The following L1CAM variants were observed in gnomAD, a reference collection of about 807,000 sequenced individuals.
L1CAM encodes L1 cell adhesion molecule.
L1CAM carries 8 observed loss-of-function variants against 93.0 expected under a neutral mutation model. The observed-to-expected ratio is 0.09, with a 90% confidence interval of 0.05 to 0.16. The LOEUF is 0.16. Among genes scored for constraint, L1CAM ranks in the 10% least tolerant of loss-of-function variants. The pLI is 1.00. For synonymous variants in L1CAM, 453 were observed against 453.0 expected, an observed-to-expected ratio of 1.00 and a Z score of 0.00; for missense variants, 777 against 1,073.4, an observed-to-expected ratio of 0.72 and a Z score of 3.86.
intron 11 of L1CAM, 72 bp from the exon 12 acceptor site, chrX:153,869,024 C>G: frequency 1.1e-6 from 1 of 874,902 alleles, no homozygotes; most frequent in Non-Finnish European, 1.7e-6. Context: ...CAGGGACCCT[C>G]TGCACGGCTT....
At chrX:153,873,205 A>G in intron 3 of L1CAM, 23 bp downstream of exon 3, 1 of 1,205,850 alleles carries the variant, frequency 8.3e-7, no homozygotes, top group Non-Finnish European at 1.1e-6. Context: ...TCTGGGAAAC[A>G]CTCTCACCCC....
chrX:153,876,045 C>A, intron 1 of L1CAM, 101 bp from the exon 2 acceptor site: 2 of 462,990 alleles, frequency 4.3e-6, no homozygotes, highest in Non-Finnish European at 7.7e-6. Context: ...CTCTTGGCCC[C>A]GCCCTCAGCC....
At chrX:153,873,607 G>T (rs782037407) in intron 2 of L1CAM, among the ~76,000 whole-genome samples, 1 of 112,422 alleles carries the variant, frequency 8.9e-6, no homozygotes, top group Non-Finnish European at 1.9e-5. Flanking sequence ...GCCTGGCAGG[G>T]CCTGCAGAAC....
chrX:153,865,827 C>A lies in L1CAM; in HGVS notation c.2432-8G>T. 5 of 1,143,454 alleles carry A rather than the reference C, an allele frequency of 4.4e-6. No homozygotes were observed. Among genetic ancestry groups the A allele is most frequent in the Non-Finnish European group, 6.0e-6 (5 of 833,040 alleles). The allele number at this position is 1,143,454 out of a possible 1,213,427, so 94.2% of individuals were successfully genotyped here. A position where few individuals can be genotyped will look rare whatever the true frequency, so the allele number is the denominator to read the frequency against. On this transcript the variant is annotated splice_polypyrimidine_tract_variant and splice_region_variant and intron_variant, in intron 19 of 28. Coordinates refer to ENST00000370060, the MANE Select transcript of L1CAM (RefSeq NM_001278116.2). ...CAGGGATTGCCTGGGGGTCTGGAAA[C>A]CACCAGTGACTTGGATAGAGCCATA...
rs2064662252 is a variant in L1CAM, at chrX:153,861,695, T to C, written c.*968A>G. On this transcript the variant is annotated 3_prime_UTR_variant, in exon 29 of 29. Transcript: ENST00000370060. ...CTTTTTTTTTGTCTGTTTTTATTTT[T>C]CCTGGGATGGGTTCATCAAAGCTAA... 9.0e-6 allele frequency: 1 copy of C among 110,620 alleles called. No individual in the cohort carries two copies. The highest frequency in any genetic ancestry group is 1.9e-5 in the Non-Finnish European group (1 of 52,860). The allele number at this position is 110,620 out of a possible 1,213,427, so 9.1% of individuals were successfully genotyped here.
chrX:153,875,651 C>A, intron 2 of L1CAM, 110 bp downstream of exon 2: 2 of 720,980 alleles, frequency 2.8e-6, no homozygotes, highest in South Asian at 2.2e-5. Context: ...CAGGAAAGGC[C>A]AGGGAGAGGA....
rs781976136 is a variant in L1CAM at position 153,864,348 on chromosome X, T to C, written c.3296A>G (p.Gln1099Arg). The change falls in exon 25 of 29, where the codon CAA becomes CGA. Residue 1099 changes from glutamine (Q) to arginine (R), a missense_variant. Physicochemically the swap from Gln to Arg is conservative, Grantham distance 43. Coordinates refer to ENST00000370060, the MANE Select transcript of L1CAM (RefSeq NM_001278116.2). ...HLFKERMFRH[Q>R]MAVKTNGTGR... ...TGTGCCATTGGTCTTCACAGCCATTTGGTGCCGGAACATCCTCTCCTTAAA... is the reference window on the plus strand; with the variant it reads ...TGTGCCATTGGTCTTCACAGCCATTCGGTGCCGGAACATCCTCTCCTTAAA... 6.6e-6 allele frequency: 8 copies of C among 1,212,039 alleles called. No homozygotes were observed. The South Asian group carries it at 1.1e-4, about 16-fold the overall frequency.
In L1CAM at chrX:153,868,653, C is replaced by T. The variant is rs782047153; in HGVS notation, c.1454G>A (p.Arg485Gln). The T allele has an allele frequency of 9.1e-6, 11 of 1,211,886 alleles. No individual in the cohort carries two copies. The highest frequency in any genetic ancestry group is 5.9e-5 in the East Asian group (2 of 33,848). ...FPYANGTLGI[R>Q]DLQANDTGRY... ...TCCGGTGTCATTGGCCTGGAGGTCT[C>T]GAATGCCCAGGGTCCCATTGGCATA... The change falls in exon 13 of 29, where the codon CGA becomes CAA. Residue 485 changes from arginine to glutamine, a missense_variant. Physicochemically the swap from Arg to Gln is conservative, Grantham distance 43. This residue lies in a region of L1CAM where 574 missense variants were observed against 781.0 expected (regional missense o/e 0.73). Coordinates refer to ENST00000370060, the MANE Select transcript of L1CAM (RefSeq NM_001278116.2).
chrX:153,883,338 C>T (rs1178265956), intron 1 of L1CAM, among the ~76,000 whole-genome samples: 1 of 109,834 alleles, frequency 9.1e-6, no homozygotes, highest in East Asian at 2.9e-4. Flanking sequence ...GTGGTGCACC[C>T]CATCCCCGGC....
chrX:153,882,082 G>T (rs2064847693), intron 1 of L1CAM, among the ~76,000 whole-genome samples: 2 of 110,917 alleles, frequency 1.8e-5, no homozygotes, highest in Non-Finnish European at 3.8e-5. Context: ...GTGTTGGTTT[G>T]CGGGGGGCGG....
At position 153,863,507 on chromosome X, in the gene L1CAM, G is replaced by T; in HGVS notation, c.3500C>A (p.Pro1167Gln). ...CTCGCCGAAGGTCTCATCTTTCATCGGTCGGGCCTCAGAGTCCACCTGGGT... is the reference window on the plus strand; with the variant it reads ...CTCGCCGAAGGTCTCATCTTTCATCTGTCGGGCCTCAGAGTCCACCTGGGT... The part of the protein sequence containing the change: ...EDTQVDSEAR[P>Q]MKDETFGEYR... The change falls in exon 27 of 29, where the codon CCG (proline) becomes CAG (glutamine). Residue 1167 changes from proline (P) to glutamine (Q), a missense_variant. Transcript: ENST00000370060. 8.3e-7 allele frequency: 1 copy of T among 1,211,300 alleles called. No individual in the cohort carries two copies. Among genetic ancestry groups the T allele is most frequent in the Non-Finnish European group, 1.1e-6 (1 of 895,209 alleles).
In L1CAM at chrX:153,867,846, C is replaced by A. The variant is rs782623692; in HGVS notation, c.1893G>T (p.Val631=). 6 of 1,209,040 alleles carry A rather than the reference C, an allele frequency of 5.0e-6. No individual in the cohort carries two copies. In the Admixed American group the frequency reaches 1.1e-4, roughly 22 times the overall value. Residue 631 remains valine (V), a synonymous_variant, in exon 16 of 29, where the codon GTG becomes GTT. Coordinates refer to ENST00000370060, the MANE Select transcript of L1CAM (RefSeq NM_001278116.2). ...CTTCTGCAGGACTCCAGGACACGCG[C>A]ACCTGGCTCTGCGTCAGCAGGTGCA... ...SDLHLLTQSQ[V]RVSWSPAEDH...
rs1407385608 is a variant in L1CAM at position 153,869,622 on chromosome X, G to A, written c.1165C>T (p.Leu389=). The A allele has an allele frequency of 3.3e-6, 4 of 1,208,156 alleles. No homozygotes were observed. The highest frequency in any genetic ancestry group is 3.4e-6 in the Non-Finnish European group (3 of 894,170). ...DQKYRIQRGA[L]ILSNVQPSDT... ...CTGGGCTGCACGTTGCTCAGGATCA[G>A]GGCGCCACGCTGAATCCGGTACTTC... The change falls in exon 11 of 29, where the codon CTG becomes TTG. Residue 389 remains leucine, a synonymous_variant. Transcript: ENST00000370060.
Position 153,872,258 on chromosome X carries a change from C to T in L1CAM, c.294G>A (p.Thr98=), listed in dbSNP as rs4898371. ...TCTGAGCAAAGTTGCTGTTGTTGCCCGTGATGGTGAAGGAGCCAGAGTGGG... is the reference window on the plus strand; with the variant it reads ...TCTGAGCAAAGTTGCTGTTGTTGCCTGTGATGGTGAAGGAGCCAGAGTGGG... ...QSPHSGSFTI[T]GNNSNFAQRF... Residue 98 remains threonine, a synonymous_variant, in exon 5 of 29, where the codon ACG becomes ACA. Coordinates refer to ENST00000370060, the MANE Select transcript of L1CAM (RefSeq NM_001278116.2). 146 of 1,205,170 alleles carry T rather than the reference C, an allele frequency of 1.2e-4. No homozygotes were observed. The Admixed American group carries it at 2.5e-3, about 21-fold the overall frequency.
At position 153,882,090 on chromosome X, in the gene L1CAM, C is replaced by T. The variant is rs1603278472; in HGVS notation, c.-109+3975G>A. ...CTAGCCTGTGTTGGTTTGCGGGGGGCGGGGTGGGGGTGCCTGGAAACAGCT... is the reference window on the plus strand; with the variant it reads ...CTAGCCTGTGTTGGTTTGCGGGGGGTGGGGTGGGGGTGCCTGGAAACAGCT... On this transcript the variant is annotated intron_variant, in intron 1 of 28. Coordinates refer to ENST00000370060, the MANE Select transcript of L1CAM (RefSeq NM_001278116.2). Among the ~76,000 whole-genome samples the T allele has an allele frequency of 4.8e-5, 5 of 104,553 alleles. No individual in the cohort carries two copies. The East Asian group carries it at 1.2e-3, about 26-fold the overall frequency. 90.8% of individuals were successfully genotyped at this position (104,553 alleles called of 115,157 possible).
At chrX:153,869,201 C>T in intron 11 of L1CAM, 1 of 450,338 alleles carries the variant, frequency 2.2e-6, no homozygotes, top group Non-Finnish European at 3.9e-6. Flanking sequence ...ACAGTCACCT[C>T]TCCCCAGAAG....
At position 153,867,402 on chromosome X, in the gene L1CAM, G is replaced by A. The variant is rs147917724; in HGVS notation, c.2091C>T (p.Pro697=). The part of the protein sequence containing the change: ...FRVTAINKYG[P]GEPSPVSETV... ...TCTCAGAGACCGGGCTGGGCTCCCC[G>A]GGGCCATATTTGTTTATGGCAGTAA... Residue 697 remains proline, a synonymous_variant, in exon 17 of 29, where the codon CCC becomes CCT. Transcript: ENST00000370060. 5.5e-5 allele frequency: 67 copies of A among 1,208,674 alleles called. No homozygotes were observed. Among genetic ancestry groups the A allele is most frequent in the African/African-American group, 2.1e-4 (12 of 57,019 alleles).
rs1603274249 is a variant in L1CAM, at chrX:153,865,309, G to A, written c.2739C>T (p.Thr913=). 9 of 1,210,470 alleles carry A rather than the reference G, an allele frequency of 7.4e-6. No homozygotes were observed. Among genetic ancestry groups the A allele is most frequent in the Non-Finnish European group, 8.9e-6 (8 of 894,850 alleles). The change falls in exon 21 of 29, where the codon ACC becomes ACT. Residue 913 remains threonine (T), a synonymous_variant. Transcript: ENST00000370060. ...SGPASEFTFS[T]PEGVPGHPEA... ...GGGTGCAGGACTCACCTCCCTCTGG[G>A]GTGCTGAAGGTGAACTCGCTGGCGG...
intron 17 of L1CAM, 50 bp downstream of exon 17, chrX:153,867,306 G>GC: frequency 9.0e-7 from 1 of 1,107,186 alleles, no homozygotes; most frequent in Non-Finnish European, 1.2e-6. Flanking sequence ...TCCCTTCACA[G>GC]CCCGGAGCCC....
Sources: allele counts gnomAD v4.1 joint callset (sites outside exome capture counted in the v4.1 genomes callset), GRCh38; gene constraint gnomAD v4.1.1; regional missense constraint gnomAD v4.1.1; transcripts MANE v1.5; gene names NCBI Gene and HGNC (gene_info 2026-07-23, HGNC 2026-07-21).